HEPHL1: variants seen among roughly 807,000 people sequenced by gnomAD.
HEPHL1 encodes ferroxidase HEPHL1.
HEPHL1 carries 123 observed loss-of-function variants against 122.0 expected under a neutral mutation model. The observed-to-expected ratio is 1.01, with a 90% CI of 0.87 to 1.17. The LOEUF is 1.17. HEPHL1 is among the 50% of genes most tolerant of loss of function. The probability of loss-of-function intolerance (pLI) is 0.00; values close to 1 mark genes in which losing one functional copy is unlikely to be tolerated. For missense variants in HEPHL1, 1,452 were observed against 1,430.5 expected, an observed-to-expected ratio of 1.01 and a Z score of -0.24; for synonymous variants, 527 against 508.9, an observed-to-expected ratio of 1.04 and a Z score of -0.48.
chr11:94,060,569 G>T (rs1232847109), intron 2 of HEPHL1, among the ~76,000 whole-genome samples: 1 of 152,134 alleles, frequency 6.6e-6, no homozygotes, highest in Non-Finnish European at 1.5e-5. Context: ...AGTCATAGAA[G>T]AGAAGGAAAT....
intron 17 of HEPHL1, among the ~76,000 whole-genome samples, chr11:94,106,388 G>A (rs1219070548): frequency 1.3e-5 from 2 of 151,414 alleles, no homozygotes; most frequent in South Asian, 2.1e-4. Flanking sequence ...CACCTCCCGG[G>A]TTCATGTCAT....
intron 13 of HEPHL1, among the ~76,000 whole-genome samples, chr11:94,095,006 A>C (rs568054467): frequency 1.4e-4 from 22 of 152,122 alleles, no homozygotes; most frequent in East Asian, 1.4e-3. Context: ...TTAATTAGAT[A>C]CGATTTGTCA....
chr11:94,053,736 T>C (rs767843432), intron 2 of HEPHL1, among the ~76,000 whole-genome samples: 10 of 152,220 alleles, frequency 6.6e-5, no homozygotes. Context: ...AAGTGTATCA[T>C]TTTATTTCCA....
intron 17 of HEPHL1, among the ~76,000 whole-genome samples, chr11:94,108,730 G>C (rs1173842453): frequency 2.0e-5 from 3 of 151,854 alleles, no homozygotes; most frequent in Non-Finnish European, 4.4e-5. Flanking sequence ...CTATGTCTGG[G>C]CGGTCTCTTC....
intron 2 of HEPHL1, among the ~76,000 whole-genome samples, chr11:94,063,219 A>G (rs1048006034): frequency 2.0e-5 from 3 of 152,218 alleles, no homozygotes. Flanking sequence ...GCCTCATCAG[A>G]AAGAGTCCTT....
At chr11:94,062,371 T>C (rs1945990747) in intron 2 of HEPHL1, among the ~76,000 whole-genome samples, 1 of 152,254 alleles carries the variant, frequency 6.6e-6, no homozygotes, top group Non-Finnish European at 1.5e-5. Context: ...TGCTTTCTCA[T>C]GACATCTTTC....
intron 13 of HEPHL1, among the ~76,000 whole-genome samples, chr11:94,097,367 C>T (rs937962781): frequency 3.3e-5 from 5 of 152,204 alleles, no homozygotes; most frequent in African/African-American, 1.2e-4. Flanking sequence ...TTTGATTGCA[C>T]TGTGGTCTGA....
At position 94,102,986 on chromosome 11, in the gene HEPHL1, C is replaced by T. The variant is rs1354539260; in HGVS notation, c.2648C>T (p.Pro883Leu). 6.8e-6 allele frequency: 11 copies of T among 1,605,948 alleles called. No individual in the cohort carries two copies. Among genetic ancestry groups the T allele is most frequent in the Non-Finnish European group, 9.4e-6 (11 of 1,172,852 alleles). ...GGGCCTTCTGATCCCAATTGTATTC[C>T]ATGGGTTTACTATTCAACAGTAAAC... Reference protein sequence around the residue: ...GPGPSDPNCIPWVYYSTVNFV... With the variant: ...GPGPSDPNCILWVYYSTVNFV... Residue 883 changes from proline (P) to leucine (L), a missense_variant, in exon 15 of 20, where the codon CCA becomes CTA. Transcript: ENST00000315765.
chr11:94,083,231 G>A (rs1946187734), intron 10 of HEPHL1, among the ~76,000 whole-genome samples: 1 of 152,152 alleles, frequency 6.6e-6, no homozygotes, highest in South Asian at 2.1e-4. Context: ...ACATAGCAAA[G>A]TGTCTATAAT....
At chr11:94,074,984 T>G (rs537421777) in intron 8 of HEPHL1, among the ~76,000 whole-genome samples, 190 bp from the exon 9 acceptor site, 1 of 152,298 alleles carries the variant, frequency 6.6e-6, no homozygotes, top group South Asian at 2.1e-4. Flanking sequence ...TCCTTTGATT[T>G]AAACTTTTAT....
intron 12 of HEPHL1, among the ~76,000 whole-genome samples, chr11:94,090,692 G>A (rs1200702455): frequency 6.6e-6 from 1 of 152,174 alleles, no homozygotes. Flanking sequence ...CACATCTGAG[G>A]CATGTCTGTA....
intron 11 of HEPHL1, among the ~76,000 whole-genome samples, chr11:94,087,585 C>T (rs1002879123): frequency 6.6e-6 from 1 of 152,042 alleles, no homozygotes; most frequent in Non-Finnish European, 1.5e-5. Flanking sequence ...GTTTTGTTTT[C>T]TTCTTCATGC....
chr11:94,091,243 A>C (rs1946262162), intron 12 of HEPHL1, among the ~76,000 whole-genome samples: 1 of 152,206 alleles, frequency 6.6e-6, no homozygotes, highest in Non-Finnish European at 1.5e-5. Context: ...TTCTCACAAG[A>C]TGATGAAAAA....
chr11:94,114,181 G>A lies in HEPHL1; in HGVS notation c.*2287G>A, dbSNP rs895738627. On this transcript the variant is annotated 3_prime_UTR_variant, in exon 20 of 20. Transcript: ENST00000315765. ...CGCCATTAAAAACAGAAAGCAATGTGCTGTCTTATTTAACTCTATAACCCC... is the reference window on the plus strand; with the variant it reads ...CGCCATTAAAAACAGAAAGCAATGTACTGTCTTATTTAACTCTATAACCCC... Among the ~76,000 whole-genome samples the A allele has an allele frequency of 1.3e-4, 20 of 152,194 alleles. No individual in the cohort carries two copies. The highest frequency in any genetic ancestry group is 4.6e-4 in the African/African-American group (19 of 41,440).
intron 1 of HEPHL1, among the ~76,000 whole-genome samples, chr11:94,026,385 T>C (rs966499353): frequency 3.0e-4 from 45 of 152,276 alleles, no homozygotes; most frequent in African/African-American, 1.0e-3. Context: ...TGAATAAAGA[T>C]AGAATTTACC....
At chr11:94,094,548 G>A (rs762704206) in intron 13 of HEPHL1, among the ~76,000 whole-genome samples, 1 of 152,176 alleles carries the variant, frequency 6.6e-6, no homozygotes. Context: ...GGTATTTCTA[G>A]TTCTAGATCC....
Position 94,112,214 on chromosome 11 carries a change from T to C in HEPHL1, c.*320T>C, listed in dbSNP as rs1591492835. Reference sequence around the variant, plus strand: ...AAAGATATCTTTATATTCCATCTTTTATAATTCTTGAACAGTGCTTTCTTA... The same window carrying C: ...AAAGATATCTTTATATTCCATCTTTCATAATTCTTGAACAGTGCTTTCTTA... On this transcript the variant is annotated 3_prime_UTR_variant, in exon 20 of 20. Coordinates refer to ENST00000315765, the MANE Select transcript of HEPHL1 (RefSeq NM_001098672.2). 5.0e-6 allele frequency: 1 copy of C among 198,058 alleles called. No individual in the cohort carries two copies. Among genetic ancestry groups the C allele is most frequent in the East Asian group, 1.2e-4 (1 of 8,680 alleles). The allele number at this position is 198,058 out of a possible 1,614,324, so 12.3% of individuals were successfully genotyped here. A position where few individuals can be genotyped will look rare whatever the true frequency, so the allele number is the denominator to read the frequency against.
intron 6 of HEPHL1, among the ~76,000 whole-genome samples, chr11:94,071,895 G>A (rs896965945): frequency 3.3e-5 from 5 of 152,098 alleles, no homozygotes; most frequent in Non-Finnish European, 7.4e-5. Context: ...TGGCATGGGA[G>A]GAATGAACAG....
chr11:94,059,306 GT>G (rs1160145048), intron 2 of HEPHL1, among the ~76,000 whole-genome samples: 6 of 151,996 alleles, frequency 3.9e-5, no homozygotes, highest in African/African-American at 1.4e-4. Context: ...AATTATTTAG[GT>G]TGCTTCCAGT....
Sources: allele counts gnomAD v4.1 joint callset (sites outside exome capture counted in the v4.1 genomes callset), GRCh38; gene constraint gnomAD v4.1.1; transcripts MANE v1.5; gene names NCBI Gene and HGNC (gene_info 2026-07-23, HGNC 2026-07-21).